The following MKLN1 variants were observed in gnomAD, a reference collection of about 807,000 sequenced individuals.
MKLN1 encodes muskelin.
A neutral mutation model predicts 99.0 loss-of-function variants in MKLN1; 18 were observed. The observed-to-expected ratio is 0.18, with a 90% CI of 0.13 to 0.27. The LOEUF (loss-of-function observed/expected upper bound fraction) is 0.27, where lower values mean the gene tolerates loss of function less well. MKLN1 is among the 10% of genes least tolerant of loss of function. MKLN1 has a pLI of 1.00. For missense variants in MKLN1, 621 were observed against 875.9 expected (o/e 0.71, Z 3.67); for synonymous variants, 288 against 293.2 (o/e 0.98, Z 0.18).
Position 131,496,263 on chromosome 7 carries a change from C to G in MKLN1, c.*8535C>G, listed in dbSNP as rs1342036739. 6.6e-6 allele frequency: 1 copy of G among 152,098 alleles called. No individual in the cohort carries two copies. Among genetic ancestry groups the G allele is most frequent in the Non-Finnish European group, 1.5e-5 (1 of 68,054 alleles). 9.4% of individuals were successfully genotyped at this position (152,098 alleles called of 1,614,324 possible). ...GGTCTTAAATGGAAATCATGGGACT[C>G]TGGAAAGCTGGCATGAGCTGGTTGG... On this transcript the variant is annotated 3_prime_UTR_variant, in exon 18 of 18. Coordinates refer to ENST00000352689, the MANE Select transcript of MKLN1 (RefSeq NM_013255.5).
At chr7:131,164,267 A>C (rs1796093004) in intron 2 of MKLN1, among the ~76,000 whole-genome samples, 1 of 152,056 alleles carries the variant, frequency 6.6e-6, no homozygotes, top group Non-Finnish European at 1.5e-5. Context: ...ACACACCACC[A>C]TGCCTAGCTA....
At chr7:131,112,741 G>A (rs1251140433) in intron 1 of MKLN1, among the ~76,000 whole-genome samples, 1 of 152,148 alleles carries the variant, frequency 6.6e-6, no homozygotes, top group East Asian at 1.9e-4. Flanking sequence ...TAAGTACTCT[G>A]ATGATCAAAG....
At position 131,252,211 on chromosome 7, in the gene MKLN1, C is replaced by T. The variant is rs573167349; in HGVS notation, c.-179+49237C>T. The stretch of plus-strand genomic sequence containing the variant: ...CCTCACAGATGCATGGTGTCCACCA[C>T]GAAGAACAGTAGGGGGAAAAACAAT... On this transcript the variant is annotated intron_variant, in intron 3 of 7. Coordinates refer to the MKLN1 transcript ENST00000416992. Among the ~76,000 whole-genome samples the T allele has an allele frequency of 1.9e-4, 29 of 151,838 alleles. No individual in the cohort carries two copies. In the East Asian group the frequency reaches 5.6e-3, roughly 29 times the overall value.
intron 3 of MKLN1, among the ~76,000 whole-genome samples, chr7:131,261,785 G>T (rs1797734561): frequency 6.6e-6 from 1 of 151,808 alleles, no homozygotes; most frequent in Non-Finnish European, 1.5e-5. Context: ...AGAAAATGTG[G>T]TACATCTACA....
At chr7:131,465,646 C>G (rs1191273128) in intron 14 of MKLN1, among the ~76,000 whole-genome samples, 1 of 152,070 alleles carries the variant, frequency 6.6e-6, no homozygotes, top group Non-Finnish European at 1.5e-5. Flanking sequence ...TCACATCATT[C>G]TCCTGCCTCA....
chr7:131,457,513 C>T (rs114962243), intron 12 of MKLN1, among the ~76,000 whole-genome samples: 2,741 of 151,160 alleles, frequency 0.018, 67 homozygotes, highest in African/African-American at 0.062. Context: ...CAGGAAAAAG[C>T]GAGGGAAAAA....
chr7:131,475,306 A>C (rs1796933834), intron 16 of MKLN1, among the ~76,000 whole-genome samples: 1 of 152,220 alleles, frequency 6.6e-6, no homozygotes, highest in Non-Finnish European at 1.5e-5. Flanking sequence ...ACAAGAAGAA[A>C]TAGAAAATCT....
At chr7:131,137,567 G>T (rs73485394) in intron 1 of MKLN1, among the ~76,000 whole-genome samples, 21,343 of 151,942 alleles carry the variant, frequency 0.14, 1,630 homozygotes, top group African/African-American at 0.2. Context: ...TTTTTTTGTT[G>T]TGTTTTGGTT....
intron 6 of MKLN1, among the ~76,000 whole-genome samples, chr7:131,404,403 C>T (rs1794640634): frequency 6.6e-6 from 1 of 152,070 alleles, no homozygotes; most frequent in Admixed American, 6.6e-5. Context: ...TAACTTTAGC[C>T]TTGAACTCCT....
At chr7:131,439,900 A>AG (rs1795784084) in intron 10 of MKLN1, among the ~76,000 whole-genome samples, 1 of 121,592 alleles carries the variant, frequency 8.2e-6, no homozygotes, top group East Asian at 3.2e-4. Context: ...ACACACACAC[A>AG]CACACACACA....
chr7:131,205,132 A>T (rs1334997347), intron 3 of MKLN1, among the ~76,000 whole-genome samples: 1 of 152,030 alleles, frequency 6.6e-6, no homozygotes, highest in Non-Finnish European at 1.5e-5. Flanking sequence ...GCTGCAAGTT[A>T]AATCATGTCC....
intron 3 of MKLN1, among the ~76,000 whole-genome samples, chr7:131,247,377 A>G (rs1473341197): frequency 6.6e-6 from 1 of 151,636 alleles, no homozygotes; most frequent in Non-Finnish European, 1.5e-5. Flanking sequence ...CACCACGCCC[A>G]GCTAATTTTT....
chr7:131,240,992 C>T (rs1276147406), intron 3 of MKLN1, among the ~76,000 whole-genome samples: 1 of 152,144 alleles, frequency 6.6e-6, no homozygotes, highest in Non-Finnish European at 1.5e-5. Context: ...TAGGCAGAGC[C>T]CTCTTCTTGC....
chr7:131,442,448 G>A (rs1294406957), intron 10 of MKLN1, among the ~76,000 whole-genome samples: 1 of 152,154 alleles, frequency 6.6e-6, no homozygotes, highest in Non-Finnish European at 1.5e-5. Flanking sequence ...CCGGGAGGCT[G>A]AGGCAGGAGA....
At chr7:131,390,896 G>A (rs1794179524) in intron 4 of MKLN1, among the ~76,000 whole-genome samples, 2 of 151,832 alleles carry the variant, frequency 1.3e-5, no homozygotes, top group Non-Finnish European at 2.9e-5. Context: ...TGGTATTTAG[G>A]CAAAATGTTA....
intron 1 of MKLN1, among the ~76,000 whole-genome samples, chr7:131,353,810 AT>A (rs934680326): frequency 4.7e-4 from 58 of 123,424 alleles, no homozygotes; most frequent in Non-Finnish European, 5.7e-4. Flanking sequence ...TTTTAGGTCA[AT>A]TTTTTTTTTT....
intron 3 of MKLN1, among the ~76,000 whole-genome samples, chr7:131,307,270 A>G (rs1798481830): frequency 6.6e-6 from 1 of 152,166 alleles, no homozygotes. Context: ...TCCAGGCAGA[A>G]GTCTGCTGCA....
intron 3 of MKLN1, among the ~76,000 whole-genome samples, chr7:131,229,132 G>C (rs1797201616): frequency 6.6e-6 from 1 of 151,636 alleles, no homozygotes; most frequent in African/African-American, 2.4e-5. Flanking sequence ...AGGGTGTGGG[G>C]CTTAAGCCGT....
At chr7:131,155,230 A>G (rs1316533005) in intron 2 of MKLN1, among the ~76,000 whole-genome samples, 1 of 152,118 alleles carries the variant, frequency 6.6e-6, no homozygotes, top group East Asian at 1.9e-4. Flanking sequence ...TTACTTGTAC[A>G]ATTTTATGTG....
Sources: allele counts gnomAD v4.1 joint callset (sites outside exome capture counted in the v4.1 genomes callset), GRCh38; gene constraint gnomAD v4.1.1; transcripts MANE v1.5; gene names NCBI Gene and HGNC (gene_info 2026-07-23, HGNC 2026-07-21).